RGS6: variants seen among roughly 807,000 people sequenced by gnomAD.
RGS6 encodes the protein regulator of G protein signaling 6, also known as regulator of G-protein signaling 6.
Under a neutral mutation model 78.5 loss-of-function variants are expected in RGS6, and 30 were observed. That is an observed-to-expected ratio of 0.38 (90% CI 0.29 to 0.52). The LOEUF (loss-of-function observed/expected upper bound fraction) is 0.52, where lower values mean the gene tolerates loss of function less well. Among genes scored for constraint, RGS6 ranks in the 20% least tolerant of loss-of-function variants. The pLI, the probability that RGS6 is intolerant of heterozygous loss-of-function variation, is 0.85. For synonymous variants in RGS6, 206 were observed against 206.0 expected, an observed-to-expected ratio of 1.00 and a Z score of 0.00; for missense variants, 495 against 609.7, an observed-to-expected ratio of 0.81 and a Z score of 1.98.
chr14:72,208,425 G>A (rs2043202129), intron 2 of RGS6, among the ~76,000 whole-genome samples: 1 of 152,164 alleles, frequency 6.6e-6, no homozygotes, highest in African/African-American at 2.4e-5. Flanking sequence ...CTTCCTTGTT[G>A]CTTAAACCAC....
intron 16 of RGS6, among the ~76,000 whole-genome samples, chr14:72,539,034 C>T (rs1041274501): frequency 3.3e-5 from 5 of 152,174 alleles, no homozygotes; most frequent in African/African-American, 7.2e-5. Context: ...TTCTCAGCCT[C>T]GGGCTCAGGA....
intron 2 of RGS6, among the ~76,000 whole-genome samples, chr14:72,270,382 C>T (rs550476539): frequency 6.6e-6 from 1 of 152,274 alleles, no homozygotes; most frequent in East Asian, 1.9e-4. Context: ...AGCATAATCC[C>T]AGGAACTGCC....
chr14:72,602,764 A>G, the RGS6 span, among the ~76,000 whole-genome samples: 11 of 152,340 alleles, frequency 7.2e-5, no homozygotes, highest in African/African-American at 2.6e-4. Flanking sequence ...TGCAATGTAT[A>G]TTTTTAAACG....
At chr14:72,286,879 G>T (rs985407263) in intron 2 of RGS6, among the ~76,000 whole-genome samples, 1 of 151,958 alleles carries the variant, frequency 6.6e-6, no homozygotes, top group Non-Finnish European at 1.5e-5. Flanking sequence ...CACCTCTCAG[G>T]TTCAAGCAAT....
intron 2 of RGS6, among the ~76,000 whole-genome samples, chr14:72,336,700 T>C (rs2250666): frequency 0.34 from 51,180 of 152,006 alleles, 9,004 homozygotes; most frequent in African/African-American, 0.44. Flanking sequence ...AGGGCTGCCA[T>C]AGTTAAGTAT....
intron 13 of RGS6, 57 bp downstream of exon 13, chr14:72,495,319 T>A (rs1271639552): frequency 5.7e-6 from 6 of 1,054,228 alleles, no homozygotes; most frequent in Non-Finnish European, 9.0e-6. Context: ...ATCCATGAGA[T>A]CATGAGATTA....
the RGS6 span, among the ~76,000 whole-genome samples, chr14:71,893,248 C>A: frequency 2.8e-4 from 42 of 152,282 alleles, no homozygotes; most frequent in African/African-American, 9.6e-4. Context: ...AGGGTTTGAT[C>A]AAGAATTTTG....
chr14:72,516,872 C>G (rs932946977), intron 14 of RGS6: 1 of 152,208 alleles, frequency 6.6e-6, no homozygotes, highest in South Asian at 2.1e-4. Flanking sequence ...AGTCATGAAG[C>G]CTTCTCTGCC....
At chr14:71,985,078 A>G (rs879389030) in intron 2 of RGS6, among the ~76,000 whole-genome samples, 6 of 152,160 alleles carry the variant, frequency 3.9e-5, no homozygotes, top group Non-Finnish European at 7.4e-5. Context: ...TAACCTAAGC[A>G]CTAATCTGTG....
chr14:71,942,298 C>T (rs36319), intron 1 of RGS6, among the ~76,000 whole-genome samples: 9,318 of 152,068 alleles, frequency 0.061, 379 homozygotes, highest in Non-Finnish European at 0.091. Context: ...AATACTTCAC[C>T]GTTACCTCTC....
At chr14:72,173,783 C>T (rs1369473670) in intron 2 of RGS6, among the ~76,000 whole-genome samples, 1 of 152,112 alleles carries the variant, frequency 6.6e-6, no homozygotes. Context: ...GCTATGGTAC[C>T]AACAGAAGAT....
At chr14:72,203,438 G>A (rs1312668833) in intron 2 of RGS6, among the ~76,000 whole-genome samples, 1 of 152,224 alleles carries the variant, frequency 6.6e-6, no homozygotes, top group Non-Finnish European at 1.5e-5. Flanking sequence ...ACAGCACTGT[G>A]GGTAAAGGAT....
chr14:72,153,271 G>A (rs2096720489), intron 2 of RGS6, among the ~76,000 whole-genome samples: 1 of 152,158 alleles, frequency 6.6e-6, no homozygotes, highest in East Asian at 1.9e-4. Context: ...TGGGTTACGG[G>A]GCTGCTCAGC....
At chr14:72,348,311 A>T (rs2078448903) in intron 2 of RGS6, among the ~76,000 whole-genome samples, 1 of 152,246 alleles carries the variant, frequency 6.6e-6, no homozygotes. Context: ...TTGACCTTGG[A>T]TAAATTGCTT....
chr14:71,878,513 G>A, the RGS6 span, among the ~76,000 whole-genome samples: 8 of 152,318 alleles, frequency 5.3e-5, no homozygotes, highest in Admixed American at 2.6e-4. Flanking sequence ...CTGCTGTGCC[G>A]TTTGCTAAGA....
intron 3 of RGS6, among the ~76,000 whole-genome samples, chr14:72,357,487 A>G (rs1485075124): frequency 6.6e-6 from 1 of 152,206 alleles, no homozygotes; most frequent in East Asian, 1.9e-4. Flanking sequence ...GATATGGACA[A>G]TAAAGTCCAG....
chr14:72,591,052 T>C, the RGS6 span, among the ~76,000 whole-genome samples: 1 of 137,176 alleles, frequency 7.3e-6, no homozygotes, highest in East Asian at 1.9e-4. Flanking sequence ...GTAAAACATA[T>C]ACAAATAAAT....
At chr14:72,110,444 G>C (rs917772456) in intron 2 of RGS6, among the ~76,000 whole-genome samples, 2 of 152,144 alleles carry the variant, frequency 1.3e-5, no homozygotes, top group Admixed American at 1.3e-4. Flanking sequence ...CACATACACA[G>C]AAGAGAGGAG....
chr14:72,374,738 AATTAT>A (rs1202044911), intron 3 of RGS6, among the ~76,000 whole-genome samples: 1 of 152,258 alleles, frequency 6.6e-6, no homozygotes, highest in African/African-American at 2.4e-5. Context: ...CAGACATTGT[AATTAT>A]ATTCAGATTA....
Sources: allele counts gnomAD v4.1 joint callset (sites outside exome capture counted in the v4.1 genomes callset), GRCh38; gene constraint gnomAD v4.1.1; transcripts MANE v1.5; gene names NCBI Gene and HGNC (gene_info 2026-07-23, HGNC 2026-07-21).